Variants in RALGAPB observed in about 807,000 individuals in gnomAD.
RALGAPB encodes ral GTPase-activating protein subunit beta.
RALGAPB carries 25 observed loss-of-function variants against 161.1 expected under a neutral mutation model. The ratio of observed to expected loss-of-function variants is 0.16; its 90% CI spans 0.11 to 0.22. The LOEUF is 0.22. Among genes scored for constraint, RALGAPB ranks in the 10% least tolerant of loss-of-function variants. The pLI is 1.00. For missense variants in RALGAPB, 1,391 were observed against 1,815.2 expected, an observed-to-expected ratio of 0.77 and a Z score of 4.25; for synonymous variants, 629 against 626.1, an observed-to-expected ratio of 1.00 and a Z score of -0.07.
intron 20 of RALGAPB, among the ~76,000 whole-genome samples, chr20:38,549,549 A>ATATAT (rs869239679): frequency 2.7e-4 from 36 of 131,072 alleles, no homozygotes; most frequent in Middle Eastern, 3.8e-3. Context: ...AAAAAAAAAA[A>ATATAT]ATATATATAT....
chr20:38,533,469 A>T (rs1048373185), intron 15 of RALGAPB, among the ~76,000 whole-genome samples: 2 of 152,236 alleles, frequency 1.3e-5, no homozygotes, highest in African/African-American at 4.8e-5. Flanking sequence ...CTACACAAGT[A>T]CTAACAGTGT....
chr20:38,561,168 C>CA (rs2087772552), intron 23 of RALGAPB, among the ~76,000 whole-genome samples: 1 of 151,920 alleles, frequency 6.6e-6, no homozygotes, highest in Admixed American at 6.6e-5. Context: ...ACTAAAAATA[C>CA]AAAAAAATTA....
intron 29 of RALGAPB, 93 bp downstream of exon 29, chr20:38,574,391 A>C (rs2088357042): frequency 1.5e-6 from 2 of 1,358,774 alleles, no homozygotes; most frequent in African/African-American, 1.5e-5. Flanking sequence ...AAATGGTGAT[A>C]ATTAATAGCT....
chr20:38,565,525 T>A (rs777445350), intron 25 of RALGAPB, 47 bp downstream of exon 25: 2 of 1,591,840 alleles, frequency 1.3e-6, no homozygotes, highest in South Asian at 2.2e-5. Context: ...ATTTTTATAT[T>A]CCTGGGTTGT....
chr20:38,472,888 C>T lies in RALGAPB; in HGVS notation c.-212C>T, dbSNP rs2084691055. On this transcript the variant is annotated 5_prime_UTR_variant, in exon 1 of 30. Transcript: ENST00000262879. ...GATCCCAGCCGGCTGGCTCGAGTGGCCTTCGTCGTCCCTTGGCGCCCTGGG... is the reference window on the plus strand; with the variant it reads ...GATCCCAGCCGGCTGGCTCGAGTGGTCTTCGTCGTCCCTTGGCGCCCTGGG... 2.5e-6 allele frequency: 1 copy of T among 398,968 alleles called. No homozygotes were observed. The highest frequency in any genetic ancestry group is 4.4e-6 in the Non-Finnish European group (1 of 225,988). The allele number at this position is 398,968 out of a possible 1,614,324, so 24.7% of individuals were successfully genotyped here.
intron 15 of RALGAPB, 117 bp downstream of exon 15, chr20:38,532,976 TAGAG>T: frequency 2.6e-6 from 3 of 1,157,668 alleles, no homozygotes; most frequent in Non-Finnish European, 2.4e-6. Context: ...TTAAGTATAA[TAGAG>T]AGGATGTCAG....
intron 20 of RALGAPB, among the ~76,000 whole-genome samples, chr20:38,550,451 T>C (rs1193462640): frequency 6.6e-6 from 1 of 152,164 alleles, no homozygotes; most frequent in East Asian, 1.9e-4. Context: ...CTCCATTTTT[T>C]TGGAGGGGGC....
In RALGAPB at chr20:38,541,470, T is replaced by C. The variant is rs77695099; in HGVS notation, c.2714+278T>C. ...AATACTGTGTTAGAGCTAGACTTAC[T>C]GTACCCCCTCACTTTGATAGCTAAG... is the stretch of plus-strand genomic sequence containing the variant. On this transcript the variant is annotated intron_variant, in intron 18 of 29. Coordinates refer to ENST00000262879, the MANE Select transcript of RALGAPB (RefSeq NM_020336.4). Among the ~76,000 whole-genome samples, 857 of 152,194 alleles carry C rather than the reference T, an allele frequency of 5.6e-3. 6 individuals are homozygous for C. The highest frequency in any genetic ancestry group is 0.019 in the African/African-American group (809 of 41,524).
chr20:38,506,368 A>G lies in RALGAPB; in HGVS notation c.741-2709A>G, dbSNP rs148941007. 4.6e-5 allele frequency among the ~76,000 whole-genome samples: 7 copies of G among 151,806 alleles called. No individual in the cohort carries two copies. The East Asian group carries it at 1.4e-3, about 29-fold the overall frequency. ...GAATGCAGTGGTGCAATCACAGCTT[A>G]CTGCAGCCTTAATCTCTTAGGCTCA... On this transcript the variant is annotated intron_variant, in intron 5 of 29. Transcript: ENST00000262879.
chr20:38,525,363 C>A, intron 11 of RALGAPB, 41 bp from the exon 12 acceptor site: 1 of 1,404,688 alleles, frequency 7.1e-7, no homozygotes. Context: ...TAAAAATGTG[C>A]TTTAGTTCAA....
chr20:38,527,172 T>G (rs557534601), intron 13 of RALGAPB, among the ~76,000 whole-genome samples: 1 of 152,356 alleles, frequency 6.6e-6, no homozygotes, highest in Admixed American at 6.5e-5. Context: ...TTAGCAAGAC[T>G]AGAATTCAGC....
intron 8 of RALGAPB, 28 bp from the exon 9 acceptor site, chr20:38,517,756 T>G: frequency 6.2e-7 from 1 of 1,605,954 alleles, no homozygotes; most frequent in South Asian, 1.1e-5. Flanking sequence ...TTCATTGGTA[T>G]GGGTGTATTC....
chr20:38,570,144 T>C, intron 27 of RALGAPB, 148 bp downstream of exon 27: 1 of 597,230 alleles, frequency 1.7e-6, no homozygotes, highest in South Asian at 2.2e-5. Context: ...CCAGCTCCAC[T>C]ACTCAGTTTC....
Position 38,539,757 on chromosome 20 carries a change from T to A in RALGAPB, c.2380-19T>A. 6.2e-7 allele frequency: 1 copy of A among 1,606,512 alleles called. No individual in the cohort carries two copies. Among genetic ancestry groups the A allele is most frequent in the Non-Finnish European group, 8.5e-7 (1 of 1,174,432 alleles). On this transcript the variant is annotated intron_variant, in intron 16 of 29. Transcript: ENST00000262879. ...AATTCCTGGCTGATTGTTTTTGTTCTCCAAATGAATATGCTCAGGTAAAAG... is the reference window on the plus strand; with the variant it reads ...AATTCCTGGCTGATTGTTTTTGTTCACCAAATGAATATGCTCAGGTAAAAG...
In RALGAPB at chr20:38,525,583, C is replaced by T. The variant is rs58609278; in HGVS notation, c.1902+65C>T. ...TTTTTTGTACTAATTTAAGTCAAAT[C>T]GAATGTTAAAAATGAAACAGGAGCT... On this transcript the variant is annotated intron_variant, in intron 12 of 29. Coordinates refer to ENST00000262879, the MANE Select transcript of RALGAPB (RefSeq NM_020336.4). 2.3e-3 allele frequency: 2,740 copies of T among 1,212,890 alleles called. 41 individuals are homozygous for T. The African/African-American group carries it at 0.037, about 16-fold the overall frequency. The allele number at this position is 1,212,890 out of a possible 1,614,324, so 75.1% of individuals were successfully genotyped here.
intron 19 of RALGAPB, among the ~76,000 whole-genome samples, chr20:38,548,486 A>G (rs2087250171): frequency 6.6e-6 from 1 of 152,246 alleles, no homozygotes. Flanking sequence ...TTAGAGATGC[A>G]CAAGAGTGGT....
At chr20:38,499,695 T>C in intron 5 of RALGAPB, 62 bp downstream of exon 5, 1 of 1,470,190 alleles carries the variant, frequency 6.8e-7, no homozygotes, top group Non-Finnish European at 9.2e-7. Context: ...CTTTCTGGCA[T>C]TCATGGAATA....
chr20:38,480,633 C>A (rs1270232189), intron 1 of RALGAPB, among the ~76,000 whole-genome samples: 3 of 151,726 alleles, frequency 2.0e-5, no homozygotes, highest in African/African-American at 7.3e-5. Context: ...GTGATTTCAC[C>A]TGCGTCGGCC....
At position 38,517,653 on chromosome 20, in the gene RALGAPB, C is replaced by T. The variant is rs1568934053; in HGVS notation, c.1199C>T (p.Thr400Ile). ...AATAAGGCCACCATGAAGACAAGCA[C>T]AGTAAGAGTTTACATCACCATTGTT... ...TVNKATMKTSTVSTAHASKVQ... is the reference protein window; with the variant it reads ...TVNKATMKTSIVSTAHASKVQ... The change falls in exon 8 of 30, where the codon ACA becomes ATA. Residue 400 changes from threonine to isoleucine, a missense_variant and splice_region_variant. Transcript: ENST00000262879. 2 of 1,613,220 alleles carry T rather than the reference C, an allele frequency of 1.2e-6. No individual in the cohort carries two copies. The highest frequency in any genetic ancestry group is 8.5e-7 in the Non-Finnish European group (1 of 1,179,808).
Sources: gnomAD v4.1 joint callset for allele counts (sites outside exome capture counted in the v4.1 genomes callset) on GRCh38, gnomAD v4.1.1 for gene constraint, MANE v1.5 for transcripts, NCBI Gene and HGNC (gene_info 2026-07-23, HGNC 2026-07-21) for gene names.